PCSK6: variants seen among roughly 807,000 people sequenced by gnomAD.
PCSK6 encodes proprotein convertase subtilisin/kexin type 6.
Under a neutral mutation model 123.3 loss-of-function variants are expected in PCSK6, and 85 were observed. The ratio of observed to expected loss-of-function variants is 0.69; its 90% CI spans 0.58 to 0.83. The LOEUF (loss-of-function observed/expected upper bound fraction) is 0.83. Among genes scored for constraint, PCSK6 ranks in the 40% least tolerant of loss-of-function variants. PCSK6 has a pLI of 0.00. For synonymous variants in PCSK6, 508 were observed against 516.0 expected (o/e 0.98, Z 0.21); for missense variants, 1,191 against 1,282.3 (o/e 0.93, Z 1.09).
chr15:101,489,265 A>ACG (rs2058101665), intron 1 of PCSK6, 109 bp downstream of exon 1: 1 of 671,762 alleles, frequency 1.5e-6, no homozygotes, highest in Non-Finnish European at 1.8e-6. Context: ...GAGCCTTCCC[A>ACG]CGCGCGCGCG....
At chr15:101,344,070 T>A (rs1329592584) in intron 13 of PCSK6, among the ~76,000 whole-genome samples, 1 of 151,658 alleles carries the variant, frequency 6.6e-6, no homozygotes. Flanking sequence ...AACAAGATTC[T>A]GTCTCAAAAA....
intron 1 of PCSK6, among the ~76,000 whole-genome samples, chr15:101,473,746 C>T (rs928710715): frequency 4.6e-5 from 7 of 152,166 alleles, no homozygotes; most frequent in Admixed American, 1.3e-4. Context: ...GAGGTGGTGG[C>T]GTGCGCCTGT....
chr15:101,327,332 G>A (rs183017044), intron 15 of PCSK6, among the ~76,000 whole-genome samples: 440 of 152,292 alleles, frequency 2.9e-3, no homozygotes, highest in Middle Eastern at 3.4e-3. Context: ...CAGAGATGAA[G>A]CCAGTGTTAA....
Position 101,489,385 on chromosome 15 carries a change from TG to T in PCSK6, c.285del (p.Asn96ThrfsTer25). The T allele has an allele frequency of 8.0e-7, 1 of 1,252,656 alleles. No homozygotes were observed. Among genetic ancestry groups the T allele is most frequent in the Non-Finnish European group, 1.0e-6 (1 of 985,728 alleles). The allele number at this position is 1,252,656 out of a possible 1,614,324, so 77.6% of individuals were successfully genotyped here. A position where few individuals can be genotyped will look rare whatever the true frequency, so the allele number is the denominator to read the frequency against. On this transcript the variant is annotated frameshift_variant, in exon 1 of 22. Transcript: ENST00000611716. LOFTEE classifies it high-confidence loss of function. ...ADRVAAAHGY[L>X]NLGQIGNLED... ...CCGGCCGCACTCACCTGGCCCAAGT[TG>T]AGGTACCCGTGCGCCGCCGCCACGC...
At chr15:101,409,510 G>T (rs866451964) in intron 6 of PCSK6, among the ~76,000 whole-genome samples, 23 of 151,472 alleles carry the variant, frequency 1.5e-4, no homozygotes, top group African/African-American at 5.6e-4. Flanking sequence ...GCGTGAACCC[G>T]GGAGGCGGAG....
intron 7 of PCSK6, among the ~76,000 whole-genome samples, chr15:101,395,951 C>T (rs987602965): frequency 1.3e-5 from 2 of 152,076 alleles, no homozygotes; most frequent in Non-Finnish European, 2.9e-5. Context: ...AGTCTCTCAC[C>T]GCCGGGCCAC....
At chr15:101,352,604 T>C (rs1196381315) in intron 13 of PCSK6, among the ~76,000 whole-genome samples, 6 of 152,262 alleles carry the variant, frequency 3.9e-5, no homozygotes, top group Non-Finnish European at 7.3e-5. Flanking sequence ...TCTGTGGCTT[T>C]ATTAACGGAC....
intron 6 of PCSK6, among the ~76,000 whole-genome samples, chr15:101,401,721 A>G (rs540296129): frequency 6.6e-6 from 1 of 152,208 alleles, no homozygotes; most frequent in Non-Finnish European, 1.5e-5. Context: ...ATCCGTGTAA[A>G]GGGTCTGGCA....
At chr15:101,339,622 A>G (rs2040554698) in intron 13 of PCSK6, among the ~76,000 whole-genome samples, 1 of 152,202 alleles carries the variant, frequency 6.6e-6, no homozygotes, top group Non-Finnish European at 1.5e-5. Flanking sequence ...AATACCGTGT[A>G]GGGGCCAGGC....
Position 101,398,448 on chromosome 15 carries a change from GCCCGTCCACCGT to G in PCSK6, c.940_951del (p.Thr314_Gly317del), listed in dbSNP as rs1567191121. The stretch of plus-strand genomic sequence containing the variant: ...AAAGCCTGCTTAGCCAGTCGGCCGG[GCCCGTCCACCGT>G]CTTGCCGTCGTCGTCCGGCCCCCAG... On this transcript the variant is annotated inframe_deletion, in exon 7 of 22. Coordinates refer to ENST00000611716, the MANE Select transcript of PCSK6 (RefSeq NM_002570.5). This position sits in a 1 kb window ranked among gnomAD's most constrained non-coding sequence, Gnocchi z 4.6. 6.2e-7 allele frequency: 1 copy of G among 1,613,658 alleles called. No individual in the cohort carries two copies. The highest frequency in any genetic ancestry group is 1.1e-5 in the South Asian group (1 of 91,036).
intron 13 of PCSK6, among the ~76,000 whole-genome samples, chr15:101,350,288 C>G (rs1399717315): frequency 6.6e-6 from 1 of 152,074 alleles, no homozygotes; most frequent in East Asian, 1.9e-4. Context: ...TTACGAATTG[C>G]TTTTCAGGAT....
intron 1 of PCSK6, among the ~76,000 whole-genome samples, chr15:101,479,139 C>T (rs530019069): frequency 6.6e-5 from 10 of 152,238 alleles, no homozygotes; most frequent in African/African-American, 1.2e-4. Context: ...ACGCCATGGC[C>T]GAGCCCCTCC....
In PCSK6 at chr15:101,305,488, A is replaced by ACCTGAGGTGAT; in HGVS notation, c.2813-134_2813-133insATCACCTCAGG. The ACCTGAGGTGAT allele has an allele frequency of 1.5e-6, 1 of 671,960 alleles. No homozygotes were observed. Among genetic ancestry groups the ACCTGAGGTGAT allele is most frequent in the Middle Eastern group, 2.8e-4 (1 of 3,568 alleles). 41.6% of individuals were successfully genotyped at this position (671,960 alleles called of 1,614,324 possible). A position where few individuals can be genotyped will look rare whatever the true frequency, so the allele number is the denominator to read the frequency against. On this transcript the variant is annotated intron_variant, in intron 21 of 21. Coordinates refer to ENST00000611716, the MANE Select transcript of PCSK6 (RefSeq NM_002570.5). The surrounding 1 kb of genome is among the most constrained non-coding windows in gnomAD (Gnocchi z 4.8). ...TTTGGGAGGCCGAGGTGGGTGGATCACCTGAGGTCAGGAGCTTGAGACCAG... is the reference window on the plus strand; with the variant it reads ...TTTGGGAGGCCGAGGTGGGTGGATCACCTGAGGTGATCCTGAGGTCAGGAGCTTGAGACCAG...
At chr15:101,478,376 G>A (rs977714175) in intron 1 of PCSK6, among the ~76,000 whole-genome samples, 2 of 152,152 alleles carry the variant, frequency 1.3e-5, no homozygotes. Context: ...GGACAGTCAC[G>A]TGTGGGGACA....
chr15:101,369,976 C>A (rs8037862), intron 12 of PCSK6, among the ~76,000 whole-genome samples: 1 of 152,184 alleles, frequency 6.6e-6, no homozygotes, highest in East Asian at 1.9e-4. Flanking sequence ...CAAAAGCCAA[C>A]TGAATAGGAT....
chr15:101,364,299 T>C (rs1042941526), intron 13 of PCSK6, among the ~76,000 whole-genome samples: 5 of 152,192 alleles, frequency 3.3e-5, no homozygotes, highest in African/African-American at 9.7e-5. Context: ...GCACATTCTG[T>C]AAACGTTACT....
chr15:101,461,848 A>G (rs1470168738), intron 1 of PCSK6, among the ~76,000 whole-genome samples: 1 of 152,216 alleles, frequency 6.6e-6, no homozygotes, highest in Non-Finnish European at 1.5e-5. Context: ...TACAAAAAAC[A>G]AACAGCAAAT....
At chr15:101,421,782 G>A (rs2056092559) in intron 6 of PCSK6, among the ~76,000 whole-genome samples, 1 of 152,192 alleles carries the variant, frequency 6.6e-6, no homozygotes, top group South Asian at 2.1e-4. Context: ...ATCTGTGCTG[G>A]AAAACAAGTG....
intron 11 of PCSK6, among the ~76,000 whole-genome samples, chr15:101,376,628 A>G (rs1364728322): frequency 6.6e-6 from 1 of 152,234 alleles, no homozygotes; most frequent in Non-Finnish European, 1.5e-5. Context: ...AATCAACTGT[A>G]TTCAAATTCC....
Sources: gnomAD v4.1 joint callset for allele counts (sites outside exome capture counted in the v4.1 genomes callset) on GRCh38, gnomAD v4.1.1 for gene constraint, Gnocchi (gnomAD v3.1) non-coding constraint, MANE v1.5 for transcripts, NCBI Gene and HGNC (gene_info 2026-07-23, HGNC 2026-07-21) for gene names.